NUFIP1: variants seen among roughly 807,000 people sequenced by gnomAD.
NUFIP1 encodes the protein nuclear FMR1 interacting protein 1, also known as FMR1-interacting protein NUFIP1.
NUFIP1 carries 38 observed loss-of-function variants against 56.2 expected under a neutral mutation model. The observed-to-expected ratio is 0.68, with a 90% CI of 0.52 to 0.89. NUFIP1 has a LOEUF of 0.89. Among genes scored for constraint, NUFIP1 ranks in the 40% least tolerant of loss-of-function variants. The pLI, the probability that NUFIP1 is intolerant of heterozygous loss-of-function variation, is 0.00. For missense variants in NUFIP1, 567 were observed against 605.8 expected (o/e 0.94, Z 0.67); for synonymous variants, 215 against 212.4 (o/e 1.01, Z -0.10).
chr13:44,988,043 T>C (rs886394477), intron 1 of NUFIP1, among the ~76,000 whole-genome samples: 9 of 152,236 alleles, frequency 5.9e-5, no homozygotes, highest in African/African-American at 2.2e-4. Flanking sequence ...ATTCTCCCAG[T>C]TGTATGCATG....
In NUFIP1 at chr13:44,979,278, A is replaced by G. The variant is rs921578107; in HGVS notation, c.658-12T>C. 4 of 1,607,196 alleles carry G rather than the reference A, an allele frequency of 2.5e-6. No homozygotes were observed. Among genetic ancestry groups the G allele is most frequent in the Non-Finnish European group, 3.4e-6 (4 of 1,177,608 alleles). Reference sequence around the variant, plus strand: ...CCAGGAGCATGCATCTAGGGGGAAAAAGCCTGCTGAACATCAGGAGGCAAT... The same window carrying G: ...CCAGGAGCATGCATCTAGGGGGAAAGAGCCTGCTGAACATCAGGAGGCAAT... On this transcript the variant is annotated splice_polypyrimidine_tract_variant and intron_variant, in intron 4 of 9. Coordinates refer to ENST00000379161, the MANE Select transcript of NUFIP1 (RefSeq NM_012345.3).
chr13:44,944,336 A>G (rs373938116), intron 8 of NUFIP1, among the ~76,000 whole-genome samples: 13 of 152,282 alleles, frequency 8.5e-5, no homozygotes, highest in African/African-American at 3.1e-4. Context: ...AAAAGACTTC[A>G]GAACAGTGAA....
Position 44,989,162 on chromosome 13 carries a change from G to T in NUFIP1, c.275C>A (p.Pro92His), listed in dbSNP as rs779067174. ...ATCAAGGGGAGACTGGGCGTCGAAG[G>T]GGGGTTGCGCCCCGGGAAGAATCTG... The part of the protein sequence containing the change: ...DAQILPGAQP[P>H]FDAQSPLDSQ... The change falls in exon 1 of 10, where the codon CCC (proline) becomes CAC (histidine). Residue 92 changes from proline (P) to histidine (H), a missense_variant. Transcript: ENST00000379161. 6.2e-7 allele frequency: 1 copy of T among 1,613,748 alleles called. No homozygotes were observed. The highest frequency in any genetic ancestry group is 8.5e-7 in the Non-Finnish European group (1 of 1,179,834).
intron 5 of NUFIP1, among the ~76,000 whole-genome samples, chr13:44,972,214 A>C (rs536321423): frequency 6.6e-6 from 1 of 152,330 alleles, no homozygotes; most frequent in East Asian, 1.9e-4. Flanking sequence ...CTATACGTGA[A>C]TGTTTATGAA....
chr13:44,989,009 T>A lies in NUFIP1; in HGVS notation c.412+16A>T. ...AAAAAGGTAAAGGGGTCGACTCACGTGGAAAAATAGCCTACCTGCAGGGTT... is the reference window on the plus strand; with the variant it reads ...AAAAAGGTAAAGGGGTCGACTCACGAGGAAAAATAGCCTACCTGCAGGGTT... On this transcript the variant is annotated intron_variant, in intron 1 of 9. Coordinates refer to ENST00000379161, the MANE Select transcript of NUFIP1 (RefSeq NM_012345.3). 6.2e-7 allele frequency: 1 copy of A among 1,612,456 alleles called. No individual in the cohort carries two copies. The highest frequency in any genetic ancestry group is 8.5e-7 in the Non-Finnish European group (1 of 1,179,580).
chr13:44,976,427 GGAGGAGGAAGAGGAA>G lies in NUFIP1; in HGVS notation c.734+2748_734+2762del, dbSNP rs573078917. 1.6e-3 allele frequency among the ~76,000 whole-genome samples: 243 copies of G among 151,124 alleles called. 2 individuals carry two copies. The highest frequency in any genetic ancestry group is 5.4e-3 in the African/African-American group (222 of 41,090). On this transcript the variant is annotated intron_variant, in intron 5 of 9. Transcript: ENST00000379161. ...AAGGAAGAGGAAGAAGAGAAGAGGA[GGAGGAGGAAGAGGAA>G]GAGGAGGAAGAGGAAGAAGAAAAAG...
rs1281532488 is a variant in NUFIP1 at position 44,940,922 on chromosome 13, C to T, written c.*284G>A. On this transcript the variant is annotated 3_prime_UTR_variant, in exon 10 of 10. Coordinates refer to ENST00000379161, the MANE Select transcript of NUFIP1 (RefSeq NM_012345.3). ...AATTCTTAACTAACACAACATCAGTCATTCTTACATGAGAACAATACATTA... is the reference window on the plus strand; with the variant it reads ...AATTCTTAACTAACACAACATCAGTTATTCTTACATGAGAACAATACATTA... The T allele has an allele frequency of 1.4e-5, 3 of 215,794 alleles. No homozygotes were observed. The highest frequency in any genetic ancestry group is 1.5e-4 in the South Asian group (1 of 6,498). The allele number at this position is 215,794 out of a possible 1,614,324, so 13.4% of individuals were successfully genotyped here.
At chr13:44,962,348 T>TTAGG (rs1297024975) in intron 6 of NUFIP1, among the ~76,000 whole-genome samples, 1 of 152,188 alleles carries the variant, frequency 6.6e-6, no homozygotes, top group Non-Finnish European at 1.5e-5. Flanking sequence ...TTATCATAAG[T>TTAGG]TAGGTGATTG....
At chr13:44,960,323 C>A (rs574166632) in intron 6 of NUFIP1, among the ~76,000 whole-genome samples, 1 of 152,106 alleles carries the variant, frequency 6.6e-6, no homozygotes, top group East Asian at 1.9e-4. Context: ...GGCTGGAGTG[C>A]AATGGCATGA....
In NUFIP1 at chr13:44,979,912, A is replaced by G. The variant is rs1482848900; in HGVS notation, c.635T>C (p.Ile212Thr). The G allele has an allele frequency of 2.5e-5, 40 of 1,603,846 alleles. No homozygotes were observed. Among genetic ancestry groups the G allele is most frequent in the Non-Finnish European group, 3.1e-5 (37 of 1,177,190 alleles). Reference sequence around the variant, plus strand: ...TACATTTCTCCAATGGAACTGGACAATCTTCTCGTGTGCAGTAAAAGAGCA... The same window carrying G: ...TACATTTCTCCAATGGAACTGGACAGTCTTCTCGTGTGCAGTAAAAGAGCA... ...LDCSFTAHEK[I>T]VQFHWRNMHA... is the part of the protein sequence containing the mutation. Residue 212 changes from isoleucine to threonine, a missense_variant, in exon 4 of 10, where the codon ATT becomes ACT. Coordinates refer to ENST00000379161, the MANE Select transcript of NUFIP1 (RefSeq NM_012345.3).
intron 3 of NUFIP1, 132 bp downstream of exon 3, chr13:44,980,590 G>T: frequency 1.5e-6 from 1 of 679,988 alleles, no homozygotes; most frequent in Non-Finnish European, 2.5e-6. Context: ...GCCCCTATCT[G>T]TCAAGTTGTC....
chr13:44,960,515 C>A (rs1002929107), intron 6 of NUFIP1, among the ~76,000 whole-genome samples: 5 of 152,160 alleles, frequency 3.3e-5, no homozygotes, highest in Non-Finnish European at 5.9e-5. Flanking sequence ...GATCCACCCA[C>A]CTCAGCCTCC....
intron 6 of NUFIP1, among the ~76,000 whole-genome samples, chr13:44,962,263 T>C (rs1871449533): frequency 6.6e-6 from 1 of 152,192 alleles, no homozygotes; most frequent in Non-Finnish European, 1.5e-5. Flanking sequence ...ACTTTAAATA[T>C]AGAGACACAA....
At chr13:44,958,055 T>C (rs909179748) in intron 7 of NUFIP1, among the ~76,000 whole-genome samples, 3 of 152,200 alleles carry the variant, frequency 2.0e-5, no homozygotes, top group Non-Finnish European at 4.4e-5. Flanking sequence ...CACTCAGCAC[T>C]GGCTCAAAAT....
Position 44,988,942 on chromosome 13 carries a change from TAG to T in NUFIP1, c.412+81_412+82del, listed in dbSNP as rs772268197. 972 of 1,381,744 alleles carry T rather than the reference TAG, an allele frequency of 7.0e-4. 12 individuals are homozygous for T. The highest frequency in any genetic ancestry group is 7.2e-4 in the Admixed American group (38 of 52,976). The allele number at this position is 1,381,744 out of a possible 1,614,324, so 85.6% of individuals were successfully genotyped here. ...CCAAGAGTGCAGAGGCAAGGCAGAGTAGAGAGAGGAAGCAGAGAAAGGGGAGA... is the reference window on the plus strand; with the variant it reads ...CCAAGAGTGCAGAGGCAAGGCAGAGTAGAGAGGAAGCAGAGAAAGGGGAGA... On this transcript the variant is annotated intron_variant, in intron 1 of 9. Transcript: ENST00000379161.
Position 44,974,844 on chromosome 13 carries a change from C to A in NUFIP1, c.734+4346G>T, listed in dbSNP as rs552201114. Among the ~76,000 whole-genome samples the A allele has an allele frequency of 3.3e-5, 5 of 152,290 alleles. No homozygotes were observed. The East Asian group carries it at 9.7e-4, about 29-fold the overall frequency. ...CAATTCCACTGCAGCATCTAACATG[C>A]CAAGGGCGAGTGACAAAGGCAATCA... On this transcript the variant is annotated intron_variant, in intron 5 of 9. Coordinates refer to ENST00000379161, the MANE Select transcript of NUFIP1 (RefSeq NM_012345.3).
At chr13:44,949,987 T>C (rs1389344637) in intron 7 of NUFIP1, 149 bp from the exon 8 acceptor site, 2 of 657,438 alleles carry the variant, frequency 3.0e-6, no homozygotes, top group East Asian at 2.8e-5. Flanking sequence ...CCAGAAACAC[T>C]TCCCCTTGGT....
intron 7 of NUFIP1, among the ~76,000 whole-genome samples, chr13:44,956,678 C>T (rs1871255626): frequency 6.6e-6 from 1 of 152,124 alleles, no homozygotes; most frequent in Non-Finnish European, 1.5e-5. Flanking sequence ...GGTTCACGCT[C>T]CTATGAGAAT....
At chr13:44,941,795 G>A (rs1870749175) in intron 9 of NUFIP1, among the ~76,000 whole-genome samples, 1 of 152,120 alleles carries the variant, frequency 6.6e-6, no homozygotes, top group African/African-American at 2.4e-5. Flanking sequence ...TTACAGGCGT[G>A]AGCCACCATG....
Sources: gnomAD v4.1 joint callset for allele counts (sites outside exome capture counted in the v4.1 genomes callset) on GRCh38, gnomAD v4.1.1 for gene constraint, MANE v1.5 for transcripts, NCBI Gene and HGNC (gene_info 2026-07-23, HGNC 2026-07-21) for gene names.